The following PREP variants were observed in gnomAD, a reference collection of about 807,000 sequenced individuals.
PREP encodes prolyl endopeptidase.
In PREP, 29 loss-of-function variants were observed where a neutral mutation model predicts 87.6. The ratio of observed to expected loss-of-function variants is 0.33; its 90% confidence interval spans 0.25 to 0.45. The LOEUF (loss-of-function observed/expected upper bound fraction) is 0.45, where lower values mean the gene tolerates loss of function less well. Ranked by LOEUF, PREP falls within the 20% of genes least tolerant of loss-of-function variation. PREP has a pLI of 1.00. For synonymous variants in PREP, 337 were observed against 328.6 expected, an observed-to-expected ratio of 1.03 and a Z score of -0.28; for missense variants, 695 against 886.5, an observed-to-expected ratio of 0.78 and a Z score of 2.74.
chr6:105,331,477 A>G (rs1161063935), intron 8 of PREP, among the ~76,000 whole-genome samples: 1 of 152,214 alleles, frequency 6.6e-6, no homozygotes, highest in Non-Finnish European at 1.5e-5. Context: ...TACAAGAATC[A>G]CTGTTTAATC....
At chr6:105,332,505 T>TC (rs1771361934) in intron 8 of PREP, among the ~76,000 whole-genome samples, 1 of 152,152 alleles carries the variant, frequency 6.6e-6, no homozygotes, top group African/African-American at 2.4e-5. Flanking sequence ...GGACTTTTTT[T>TC]CCTCATTATA....
intron 7 of PREP, among the ~76,000 whole-genome samples, chr6:105,339,542 G>A (rs563651294): frequency 5.2e-4 from 79 of 152,328 alleles, no homozygotes; most frequent in African/African-American, 1.8e-3. Context: ...TGACTTTGAC[G>A]AGTTGAGAGC....
chr6:105,325,767 G>A (rs2114649103), intron 9 of PREP, among the ~76,000 whole-genome samples: 1 of 152,312 alleles, frequency 6.6e-6, no homozygotes, highest in Non-Finnish European at 1.5e-5. Context: ...CAAGGAAGGT[G>A]GGGTTTGAAG....
In PREP at chr6:105,288,320, T is replaced by C. The variant is rs577746671; in HGVS notation, c.1454+438A>G. Among the ~76,000 whole-genome samples, 54 of 152,336 alleles carry C rather than the reference T, an allele frequency of 3.5e-4. No individual in the cohort carries two copies. In the South Asian group the frequency reaches 7.0e-3, roughly 20 times the overall value. ...ATTTCAGATAGTTAACACATAATCC[T>C]GCCCGTCTATGAAAACAAGCAGCAA... On this transcript the variant is annotated intron_variant, in intron 11 of 14. Transcript: ENST00000652536.
At position 105,278,233 on chromosome 6, in the gene PREP, C is replaced by A; in HGVS notation, c.2044G>T (p.Ala682Ser). ...ATCACTTTGGCTGTGGGCTTCCCCG[C>A]CCCGTGGCCCGCCTTGGTGTCCACG... ...IHVDTKAGHG[A>S]GKPTAKVIEE... The change falls in exon 15 of 15, where the codon GCG becomes TCG. Residue 682 changes from alanine to serine, a missense_variant. This residue lies in a region of PREP where 121 missense variants were observed against 154.8 expected (regional missense o/e 0.78). Transcript: ENST00000652536. This position sits in a 1 kb window ranked among gnomAD's most constrained non-coding sequence, Gnocchi z 4.2. 6.2e-7 allele frequency: 1 copy of A among 1,614,212 alleles called. No individual in the cohort carries two copies. The highest frequency in any genetic ancestry group is 8.5e-7 in the Non-Finnish European group (1 of 1,180,054).
chr6:105,336,238 C>T (rs1007755141), intron 7 of PREP, among the ~76,000 whole-genome samples: 17 of 152,172 alleles, frequency 1.1e-4, no homozygotes, highest in African/African-American at 2.4e-4. Flanking sequence ...CCAGCCTGGG[C>T]GACAGAACGA....
chr6:105,394,132 G>A (rs1773230862), intron 2 of PREP, among the ~76,000 whole-genome samples: 1 of 151,802 alleles, frequency 6.6e-6, no homozygotes, highest in African/African-American at 2.4e-5. Flanking sequence ...TTTTATCACA[G>A]GAATTCAAGG....
intron 10 of PREP, among the ~76,000 whole-genome samples, chr6:105,312,144 A>C (rs932502787): frequency 6.6e-5 from 10 of 152,242 alleles, no homozygotes; most frequent in Non-Finnish European, 1.5e-4. Context: ...TTGCAGGCTA[A>C]ATGATTTTCT....
Position 105,372,208 on chromosome 6 carries a change from G to GA in PREP, c.595+1160dup, listed in dbSNP as rs879759218. On this transcript the variant is annotated intron_variant, in intron 5 of 14. Transcript: ENST00000652536. Reference sequence around the variant, plus strand: ...CCTTATTCTCAATTCAATTGTGGGGGAAAAAAAAAAACAGAAAAGAAAGCA... The same window carrying GA: ...CCTTATTCTCAATTCAATTGTGGGGGAAAAAAAAAAAACAGAAAAGAAAGCA... Among the ~76,000 whole-genome samples, 1,035 of 143,380 alleles carry GA rather than the reference G, an allele frequency of 7.2e-3. 4 individuals carry two copies. The highest frequency in any genetic ancestry group is 0.023 in the African/African-American group (897 of 39,334). The allele number at this position is 143,380 out of a possible 152,430, so 94.1% of individuals were successfully genotyped here.
intron 14 of PREP, among the ~76,000 whole-genome samples, chr6:105,279,339 C>T (rs1471087343): frequency 1.3e-5 from 2 of 152,080 alleles, no homozygotes; most frequent in African/African-American, 4.8e-5. Flanking sequence ...GCTCAGTTTC[C>T]CACCAGATAA....
chr6:105,313,769 T>A (rs1209270850), intron 10 of PREP, among the ~76,000 whole-genome samples: 1 of 152,208 alleles, frequency 6.6e-6, no homozygotes, highest in East Asian at 1.9e-4. Flanking sequence ...TGAATTTGAG[T>A]TAGAAGGTGG....
chr6:105,367,882 T>C (rs1308004826), intron 6 of PREP, among the ~76,000 whole-genome samples: 3 of 152,152 alleles, frequency 2.0e-5, no homozygotes, highest in African/African-American at 7.2e-5. Context: ...TGGGTGTGGT[T>C]GTGCCACAAA....
At chr6:105,330,416 T>TG (rs1197048937) in intron 8 of PREP, among the ~76,000 whole-genome samples, 2 of 152,094 alleles carry the variant, frequency 1.3e-5, no homozygotes, top group Non-Finnish European at 2.9e-5. Context: ...TGCAGGGATA[T>TG]GGAGAGTAAG....
At chr6:105,391,242 C>T (rs1183969684) in intron 2 of PREP, among the ~76,000 whole-genome samples, 2 of 151,726 alleles carry the variant, frequency 1.3e-5, no homozygotes, top group Non-Finnish European at 2.9e-5. Context: ...ATTAGCTGGG[C>T]ATCGTGGTGG....
chr6:105,302,696 G>C, intron 10 of PREP: 1 of 504,952 alleles, frequency 2.0e-6, no homozygotes, highest in Non-Finnish European at 3.8e-6. Flanking sequence ...ATCTTAGAGA[G>C]CTTGGAGACC....
At chr6:105,361,729 A>G (rs1772251435) in intron 6 of PREP, among the ~76,000 whole-genome samples, 1 of 152,192 alleles carries the variant, frequency 6.6e-6, no homozygotes, top group African/African-American at 2.4e-5. Flanking sequence ...TCCTTTCATA[A>G]TAGTTGTGAA....
intron 8 of PREP, among the ~76,000 whole-genome samples, chr6:105,332,616 TG>T (rs1771366334): frequency 6.6e-6 from 1 of 152,216 alleles, no homozygotes; most frequent in Non-Finnish European, 1.5e-5. Flanking sequence ...CTAATAGTAC[TG>T]AATTCTTCTT....
intron 10 of PREP, among the ~76,000 whole-genome samples, chr6:105,311,806 T>C (rs891896825): frequency 3.9e-5 from 6 of 152,334 alleles, no homozygotes; most frequent in African/African-American, 1.4e-4. Flanking sequence ...GAATTTCTGA[T>C]GAAGGCAAGG....
chr6:105,383,785 C>CTGGCTCCCTGATGGGTGA (rs1562225412), intron 2 of PREP, among the ~76,000 whole-genome samples: 4 of 152,128 alleles, frequency 2.6e-5, no homozygotes, highest in African/African-American at 9.7e-5. Context: ...TCTCAATACT[C>CTGGCTCCCTGATGGGTGA]GTCATGACCA....
Sources: allele counts gnomAD v4.1 joint callset (sites outside exome capture counted in the v4.1 genomes callset), GRCh38; gene constraint gnomAD v4.1.1; regional missense constraint gnomAD v4.1.1; non-coding constraint Gnocchi (gnomAD v3.1); transcripts MANE v1.5; gene names NCBI Gene and HGNC (gene_info 2026-07-23, HGNC 2026-07-21).